ACTL8: variants seen among roughly 807,000 people sequenced by gnomAD.
ACTL8 encodes the protein actin-like protein 8.
Under a neutral mutation model 9.3 loss-of-function variants are expected in ACTL8, and 3 were observed. The observed-to-expected ratio is 0.32, with a 90% CI of 0.15 to 0.83. The LOEUF is 0.83. ACTL8 is among the 40% of genes least tolerant of loss of function. The probability of loss-of-function intolerance (pLI) is 0.57; values close to 1 mark genes in which losing one functional copy is unlikely to be tolerated. For missense variants in ACTL8, 381 were observed against 492.2 expected (o/e 0.77, Z 2.14); for synonymous variants, 224 against 205.9 (o/e 1.09, Z -0.75).
At chr1:17,791,259 A>G (rs1388448867) in intron 1 of ACTL8, among the ~76,000 whole-genome samples, 3 of 152,166 alleles carry the variant, frequency 2.0e-5, no homozygotes, top group African/African-American at 7.2e-5. Context: ...CGGAGTGTAC[A>G]GCCCTGGCCA....
intron 1 of ACTL8, among the ~76,000 whole-genome samples, chr1:17,820,934 T>C (rs2053656022): frequency 6.6e-6 from 1 of 152,202 alleles, no homozygotes; most frequent in East Asian, 1.9e-4. Flanking sequence ...TTCCAATTTC[T>C]CCACTTCCTT....
rs571195342 is a variant in ACTL8, at chr1:17,813,367, A to AT, written c.-24-9610dup. Among the ~76,000 whole-genome samples the AT allele has an allele frequency of 2.2e-4, 34 of 151,926 alleles. 1 individual carries two copies. The highest frequency in any genetic ancestry group is 1.0e-3 in the South Asian group (5 of 4,796). On this transcript the variant is annotated intron_variant, in intron 1 of 2. Transcript: ENST00000375406. ...AATGCATGTTGAATTCTATCCATTGATTTTTTTTGCATCTGTTGAGATGGT... is the reference window on the plus strand; with the variant it reads ...AATGCATGTTGAATTCTATCCATTGATTTTTTTTTGCATCTGTTGAGATGGT...
At chr1:17,814,229 G>T (rs1188329707) in intron 1 of ACTL8, among the ~76,000 whole-genome samples, 1 of 152,160 alleles carries the variant, frequency 6.6e-6, no homozygotes, top group East Asian at 1.9e-4. Flanking sequence ...GGATATGGTG[G>T]CTCATGCCTG....
intron 1 of ACTL8, among the ~76,000 whole-genome samples, chr1:17,784,163 C>T (rs1010558076): frequency 6.6e-6 from 1 of 152,194 alleles, no homozygotes; most frequent in Admixed American, 6.5e-5. Context: ...AGGAAACTTA[C>T]AATCATGGCC....
At position 17,826,373 on chromosome 1, in the gene ACTL8, C is replaced by G; in HGVS notation, c.955C>G (p.His319Asp). Residue 319 changes from histidine (H) to aspartate (D), a missense_variant, in exon 3 of 3, where the codon CAC becomes GAC. His to Asp is a moderately conservative substitution (Grantham distance 81). Coordinates refer to ENST00000375406, the MANE Select transcript of ACTL8 (RefSeq NM_030812.3). The surrounding 1 kb of genome is among the most constrained non-coding windows in gnomAD (Gnocchi z 4.5). ...CCTGTTCAGGGAGCTGATGGGGGAT[C>G]ACGTCTCCTCCACCAAGGCCACAGT... is the stretch of plus-strand genomic sequence containing the variant. ...KRLFRELMGD[H>D]VSSTKATVWE... 2 of 1,614,092 alleles carry G rather than the reference C, an allele frequency of 1.2e-6. No individual in the cohort carries two copies. The highest frequency in any genetic ancestry group is 1.1e-5 in the South Asian group (1 of 91,054).
At chr1:17,799,367 T>G (rs11582979) in intron 1 of ACTL8, among the ~76,000 whole-genome samples, 24,921 of 152,202 alleles carry the variant, frequency 0.16, 2,790 homozygotes, top group African/African-American at 0.31. Context: ...TCAATGTATG[T>G]TTGAACATCA....
intron 1 of ACTL8, among the ~76,000 whole-genome samples, chr1:17,820,043 C>A (rs2053639338): frequency 6.6e-6 from 1 of 152,110 alleles, no homozygotes; most frequent in Non-Finnish European, 1.5e-5. Flanking sequence ...AAAGTTTACT[C>A]TAAAAATAAT....
chr1:17,759,106 G>T (rs1398866777), intron 1 of ACTL8, among the ~76,000 whole-genome samples: 2 of 152,228 alleles, frequency 1.3e-5, no homozygotes, highest in Admixed American at 6.5e-5. Context: ...TCAGTGGTGT[G>T]CAGGAGGATT....
intron 1 of ACTL8, among the ~76,000 whole-genome samples, chr1:17,802,566 C>G (rs1197919710): frequency 6.6e-6 from 1 of 152,084 alleles, no homozygotes; most frequent in East Asian, 1.9e-4. Context: ...GGGGTGTGAC[C>G]TCAGGCTGCC....
chr1:17,816,745 A>T (rs1202410582), intron 1 of ACTL8, among the ~76,000 whole-genome samples: 1 of 152,050 alleles, frequency 6.6e-6, no homozygotes, highest in Non-Finnish European at 1.5e-5. Context: ...GTGAGCTGGG[A>T]CCTGTGCCCG....
Position 17,822,995 on chromosome 1 carries a change from C to T in ACTL8, c.-14C>T, listed in dbSNP as rs1219933047. ...CCTTTGCTTCCGCAGGTCCCACCCA[C>T]CTCTGCCTCCGCCATGGCTGCAAGA... On this transcript the variant is annotated 5_prime_UTR_variant, in exon 2 of 3. Transcript: ENST00000375406. 2 of 1,608,624 alleles carry T rather than the reference C, an allele frequency of 1.2e-6. No homozygotes were observed. The highest frequency in any genetic ancestry group is 1.7e-6 in the Non-Finnish European group (2 of 1,177,112).
chr1:17,766,593 G>A (rs1379002237), intron 1 of ACTL8, among the ~76,000 whole-genome samples: 1 of 152,160 alleles, frequency 6.6e-6, no homozygotes, highest in Admixed American at 6.5e-5. Context: ...GACTTGCCAT[G>A]TGTTAATGCA....
At position 17,777,283 on chromosome 1, in the gene ACTL8, C is replaced by T. The variant is rs192175439; in HGVS notation, c.-25+21779C>T. Among the ~76,000 whole-genome samples the T allele has an allele frequency of 1.2e-3, 181 of 152,230 alleles. 2 individuals are homozygous for T. Among genetic ancestry groups the T allele is most frequent in the Non-Finnish European group, 3.4e-4 (23 of 68,006 alleles). ...CAGGAACATTTTAGCCTCCCCGGAG[C>T]GCCACCTGGTTGTTTACATCGTAGA... On this transcript the variant is annotated intron_variant, in intron 1 of 2. Coordinates refer to ENST00000375406, the MANE Select transcript of ACTL8 (RefSeq NM_030812.3).
At chr1:17,772,054 C>G (rs1183220750) in intron 1 of ACTL8, among the ~76,000 whole-genome samples, 1 of 152,160 alleles carries the variant, frequency 6.6e-6, no homozygotes, top group Non-Finnish European at 1.5e-5. Context: ...CAGCGCTAAC[C>G]TTCGCTGTGG....
intron 1 of ACTL8, among the ~76,000 whole-genome samples, chr1:17,787,539 G>C (rs1221810194): frequency 6.6e-6 from 1 of 152,158 alleles, no homozygotes; most frequent in African/African-American, 2.4e-5. Context: ...AAAGTGCTGG[G>C]ATTACAGGCG....
chr1:17,757,638 C>T (rs2065977143), intron 1 of ACTL8, among the ~76,000 whole-genome samples: 1 of 152,202 alleles, frequency 6.6e-6, no homozygotes, highest in Non-Finnish European at 1.5e-5. Flanking sequence ...TCACTAGCCC[C>T]TAGCTGTGGT....
At chr1:17,820,368 A>G (rs2053646002) in intron 1 of ACTL8, among the ~76,000 whole-genome samples, 1 of 152,172 alleles carries the variant, frequency 6.6e-6, no homozygotes, top group South Asian at 2.1e-4. Flanking sequence ...ACCAGGTAGT[A>G]TTCCACTGAA....
At chr1:17,776,792 T>A (rs2066120877) in intron 1 of ACTL8, among the ~76,000 whole-genome samples, 1 of 151,906 alleles carries the variant, frequency 6.6e-6, no homozygotes. Flanking sequence ...TTGATCCTAT[T>A]GTTTGTTTCC....
chr1:17,813,708 T>A (rs1430739293), intron 1 of ACTL8, among the ~76,000 whole-genome samples: 4 of 152,324 alleles, frequency 2.6e-5, no homozygotes, highest in Non-Finnish European at 5.9e-5. Context: ...ATTTCTTCCT[T>A]AAATGTTGGG....
Sources: allele counts gnomAD v4.1 joint callset (sites outside exome capture counted in the v4.1 genomes callset), GRCh38; gene constraint gnomAD v4.1.1; non-coding constraint Gnocchi (gnomAD v3.1); transcripts MANE v1.5; gene names NCBI Gene and HGNC (gene_info 2026-07-23, HGNC 2026-07-21).